The following SNX8 variants were observed in gnomAD, a reference collection of about 807,000 sequenced individuals.
SNX8 encodes sorting nexin 8, also known as sorting nexin-8.
Under a neutral mutation model 51.6 loss-of-function variants are expected in SNX8, and 25 were observed. That is an observed-to-expected ratio of 0.48 (90% CI 0.35 to 0.68). The LOEUF is 0.68. SNX8 is among the 30% of genes least tolerant of loss of function. SNX8 has a pLI of 0.00. For missense variants in SNX8, 695 were observed against 624.0 expected (o/e 1.11, Z -1.21); for synonymous variants, 324 against 277.0 (o/e 1.17, Z -1.68).
chr7:2,306,400 G>A (rs1026882411), intron 1 of SNX8, among the ~76,000 whole-genome samples: 7 of 152,250 alleles, frequency 4.6e-5, no homozygotes, highest in East Asian at 3.9e-4. Context: ...GTGAGCCACC[G>A]TGCCCAGCCT....
At chr7:2,316,961 C>A (rs1241264174), upstream of SNX8, among the ~76,000 whole-genome samples, 1 of 152,204 alleles carries the variant, frequency 6.6e-6, no homozygotes, top group Non-Finnish European at 1.5e-5. Context: ...CAGAGTGGAG[C>A]AAGTGTGCTA....
At chr7:2,257,858 C>A in intron 7 of SNX8, 55 bp from the exon 8 acceptor site, 1 of 1,538,120 alleles carries the variant, frequency 6.5e-7, no homozygotes, top group Non-Finnish European at 9.0e-7. Context: ...CCGGTCCCTG[C>A]CCGGGAACTC....
At position 2,351,905 on chromosome 7, in the gene SNX8, G is replaced by GTTT. The variant is rs748043966; in HGVS notation, c.-66+2314_-66+2316dup. Among the ~76,000 whole-genome samples the GTTT allele has an allele frequency of 7.7e-4, 68 of 88,306 alleles. 4 individuals are homozygous for GTTT. Among genetic ancestry groups the GTTT allele is most frequent in the Non-Finnish European group, 9.6e-4 (42 of 43,964 alleles). The allele number at this position is 88,306 out of a possible 152,430, so 57.9% of individuals were successfully genotyped here. Reference sequence around the variant, plus strand: ...GAGTAAGTTTTTGTTGTTGTTGTTGGTTTTTTTTTTTTTTTTTTTTTGAGA... The same window carrying GTTT: ...GAGTAAGTTTTTGTTGTTGTTGTTGGTTTTTTTTTTTTTTTTTTTTTTTTGAGA... On this transcript the variant is annotated intron_variant, in intron 1 of 5. Coordinates refer to the SNX8 transcript ENST00000435336.
chr7:2,272,108 G>T, intron 3 of SNX8, 137 bp from the exon 4 acceptor site: 3 of 1,213,544 alleles, frequency 2.5e-6, no homozygotes, highest in African/African-American at 1.5e-5. Context: ...TGGGCCCCCA[G>T]TGCTGCTCAG....
chr7:2,343,399 G>A (rs773320630), intron 1 of SNX8, among the ~76,000 whole-genome samples: 1 of 152,016 alleles, frequency 6.6e-6, no homozygotes, highest in Non-Finnish European at 1.5e-5. Context: ...ATACAGGCCG[G>A]GCATGGTGGC....
intron 1 of SNX8, among the ~76,000 whole-genome samples, chr7:2,327,825 G>C (rs2398663): frequency 0.47 from 70,706 of 151,684 alleles, 16,461 homozygotes; most frequent in South Asian, 0.63. Flanking sequence ...TGACAGGCGT[G>C]AGCCACCGCG....
At chr7:2,280,275 G>A (rs1488437055) in intron 1 of SNX8, among the ~76,000 whole-genome samples, 1 of 152,062 alleles carries the variant, frequency 6.6e-6, no homozygotes, top group Non-Finnish European at 1.5e-5. Context: ...AAGTCAGTTT[G>A]GTTTTTAATA....
chr7:2,277,395 G>A (rs1294923067), intron 2 of SNX8, among the ~76,000 whole-genome samples: 1 of 152,318 alleles, frequency 6.6e-6, no homozygotes. Flanking sequence ...TTTGGGGTCC[G>A]GAGTCGATGG....
At chr7:2,293,792 G>T (rs1009138717) in intron 1 of SNX8, among the ~76,000 whole-genome samples, 10 of 144,526 alleles carry the variant, frequency 6.9e-5, no homozygotes, top group African/African-American at 2.6e-4. Context: ...GTGAAATCCC[G>T]TCTCTACTAA....
At chr7:2,352,375 G>T (rs183536997) in intron 1 of SNX8, among the ~76,000 whole-genome samples, 8 of 152,146 alleles carry the variant, frequency 5.3e-5, no homozygotes, top group African/African-American at 1.9e-4. Flanking sequence ...TGGTCAATTA[G>T]GTTGGAAAAT....
In SNX8 at chr7:2,347,001, A is replaced by T. The variant is rs184215486; in HGVS notation, c.-66+7221T>A. 8.6e-4 allele frequency among the ~76,000 whole-genome samples: 130 copies of T among 151,968 alleles called. 2 individuals are homozygous for T. The East Asian group carries it at 0.024, about 28-fold the overall frequency. On this transcript the variant is annotated intron_variant, in intron 1 of 5. Transcript: ENST00000435336. ...TCCTGTCCATGCCTCACTCCTCTAC[A>T]TTTGAAGAAGCCAAGCATCATAGGG...
At chr7:2,312,932 C>A (rs963883608) in intron 1 of SNX8, among the ~76,000 whole-genome samples, 3 of 152,126 alleles carry the variant, frequency 2.0e-5, no homozygotes, top group African/African-American at 4.8e-5. Flanking sequence ...GAGTCTCGCT[C>A]TGTCGCCCAG....
intron 1 of SNX8, among the ~76,000 whole-genome samples, chr7:2,305,770 C>T (rs959321100): frequency 5.3e-5 from 8 of 152,046 alleles, no homozygotes; most frequent in African/African-American, 1.9e-4. Context: ...CGTGTAACCA[C>T]CATCCAGGCC....
intron 1 of SNX8, among the ~76,000 whole-genome samples, chr7:2,353,401 CA>C (rs112946281): frequency 0.034 from 5,147 of 151,818 alleles, 283 homozygotes; most frequent in African/African-American, 0.12. Context: ...ACAAACAAAA[CA>C]AAAAAACTAT....
chr7:2,328,576 G>A (rs1023886567), intron 1 of SNX8, among the ~76,000 whole-genome samples: 2 of 152,080 alleles, frequency 1.3e-5, no homozygotes, highest in East Asian at 1.9e-4. Flanking sequence ...ACTTTAGGAG[G>A]CTAAGGCAGG....
At chr7:2,288,822 G>A (rs962790875) in intron 1 of SNX8, among the ~76,000 whole-genome samples, 46 of 152,130 alleles carry the variant, frequency 3.0e-4, no homozygotes, top group African/African-American at 1.0e-3. Flanking sequence ...TAGCCTTGAC[G>A]TCCCCGGCTC....
intron 1 of SNX8, among the ~76,000 whole-genome samples, chr7:2,342,177 CT>C (rs1348648530): frequency 6.7e-6 from 1 of 150,182 alleles, no homozygotes; most frequent in African/African-American, 2.5e-5. Context: ...GAAACGCTGT[CT>C]CAAAAAAAAT....
At chr7:2,285,136 C>A (rs930036814) in intron 1 of SNX8, among the ~76,000 whole-genome samples, 1 of 147,460 alleles carries the variant, frequency 6.8e-6, no homozygotes, top group Non-Finnish European at 1.5e-5. Context: ...GGCGTGAACC[C>A]GGGAGGCAGA....
At chr7:2,257,848 C>G (rs776175170) in intron 7 of SNX8, 45 bp from the exon 8 acceptor site, 1 of 1,574,070 alleles carries the variant, frequency 6.4e-7, no homozygotes, top group South Asian at 1.1e-5. Context: ...CACATAGGAC[C>G]CGGTCCCTGC....
Sources: gnomAD v4.1 joint callset for allele counts (sites outside exome capture counted in the v4.1 genomes callset) on GRCh38, gnomAD v4.1.1 for gene constraint, MANE v1.5 for transcripts, NCBI Gene and HGNC (gene_info 2026-07-23, HGNC 2026-07-21) for gene names.